The following FCHSD2 variants were observed in gnomAD, a reference collection of about 807,000 sequenced individuals.
FCHSD2 encodes F-BAR and double SH3 domains protein 2.
A neutral mutation model predicts 108.1 loss-of-function variants in FCHSD2; 38 were observed. The ratio of observed to expected loss-of-function variants is 0.35; its 90% CI spans 0.27 to 0.46. FCHSD2 has a LOEUF of 0.46. Among genes scored for constraint, FCHSD2 ranks in the 20% least tolerant of loss-of-function variants. FCHSD2 has a pLI of 1.00. For synonymous variants in FCHSD2, 279 were observed against 314.7 expected (o/e 0.89, Z 1.20); for missense variants, 751 against 897.8 (o/e 0.84, Z 2.09).
chr11:72,848,572 G>C (rs1041660184), intron 14 of FCHSD2, among the ~76,000 whole-genome samples: 7 of 152,132 alleles, frequency 4.6e-5, no homozygotes, highest in Non-Finnish European at 7.4e-5. Context: ...TTCCTAGAGG[G>C]GAGAGATGTC....
At chr11:73,073,949 C>A (rs1290626701) in intron 3 of FCHSD2, among the ~76,000 whole-genome samples, 1 of 151,818 alleles carries the variant, frequency 6.6e-6, no homozygotes, top group East Asian at 1.9e-4. Context: ...AAATATCAGG[C>A]AGCATATGGG....
At chr11:73,128,476 C>T (rs759418509) in intron 2 of FCHSD2, among the ~76,000 whole-genome samples, 3 of 151,818 alleles carry the variant, frequency 2.0e-5, no homozygotes, top group African/African-American at 7.3e-5. Flanking sequence ...AAGCATATGA[C>T]GCAAACACAG....
At chr11:73,062,257 T>A (rs760741234) in intron 3 of FCHSD2, among the ~76,000 whole-genome samples, 1 of 152,038 alleles carries the variant, frequency 6.6e-6, no homozygotes, top group Non-Finnish European at 1.5e-5. Context: ...AGGAATAGCA[T>A]GTGCACTCAA....
At chr11:72,951,923 T>G (rs1856627731) in intron 8 of FCHSD2, among the ~76,000 whole-genome samples, 1 of 152,218 alleles carries the variant, frequency 6.6e-6, no homozygotes, top group South Asian at 2.1e-4. Flanking sequence ...TTGACAAGAA[T>G]ACTGTAACAG....
intron 9 of FCHSD2, among the ~76,000 whole-genome samples, chr11:72,919,939 G>T (rs1201718784): frequency 6.6e-6 from 1 of 151,660 alleles, no homozygotes; most frequent in Non-Finnish European, 1.5e-5. Flanking sequence ...TTAATAAGGA[G>T]AAAAAAATAG....
chr11:73,070,313 A>G (rs563249980), intron 3 of FCHSD2, among the ~76,000 whole-genome samples: 1 of 152,226 alleles, frequency 6.6e-6, no homozygotes, highest in South Asian at 2.1e-4. Flanking sequence ...TGTTTTACTG[A>G]TAACATTCCA....
intron 3 of FCHSD2, among the ~76,000 whole-genome samples, chr11:73,017,609 G>T (rs1858002379): frequency 6.6e-6 from 1 of 152,116 alleles, no homozygotes; most frequent in Non-Finnish European, 1.5e-5. Context: ...AACTTGTATA[G>T]AACTACATAT....
chr11:73,108,630 G>A (rs1305436705), intron 2 of FCHSD2, among the ~76,000 whole-genome samples: 3 of 152,142 alleles, frequency 2.0e-5, no homozygotes, highest in Non-Finnish European at 2.9e-5. Flanking sequence ...CTGCAGTGGC[G>A]CAATCTCGGC....
rs764574146 is a variant in FCHSD2, at chr11:73,001,050, T to C, written c.327A>G (p.Lys109=). ...TCCTTGCAGGCTCAGAAATGAAGTT[T>C]TTATAGTTTTCACATATATTCATCC... ...QSRMNICENY[K]NFISEPARTV... is the part of the protein sequence containing the mutation. The change falls in exon 5 of 20, where the codon AAA becomes AAG. Residue 109 remains lysine (K), a synonymous_variant. Coordinates refer to ENST00000409418, the MANE Select transcript of FCHSD2 (RefSeq NM_014824.3). The C allele has an allele frequency of 2.5e-6, 4 of 1,613,038 alleles. No homozygotes were observed. The highest frequency in any genetic ancestry group is 3.4e-6 in the Non-Finnish European group (4 of 1,179,482).
intron 9 of FCHSD2, among the ~76,000 whole-genome samples, chr11:72,903,437 T>C (rs1855568560): frequency 6.6e-6 from 1 of 152,150 alleles, no homozygotes; most frequent in Non-Finnish European, 1.5e-5. Context: ...GCCAGGATGG[T>C]CTCGATCTCC....
intron 2 of FCHSD2, among the ~76,000 whole-genome samples, chr11:73,101,571 G>C (rs945197203): frequency 6.6e-6 from 1 of 151,934 alleles, no homozygotes; most frequent in African/African-American, 2.4e-5. Context: ...CCGAGTAGCT[G>C]GGGCTACAGA....
intron 2 of FCHSD2, among the ~76,000 whole-genome samples, chr11:73,138,615 T>G (rs1861177343): frequency 6.6e-6 from 1 of 150,626 alleles, no homozygotes; most frequent in Non-Finnish European, 1.5e-5. Flanking sequence ...TTTTTTTTTT[T>G]TTTTTTTTTT....
chr11:72,997,759 G>A (rs1156823386), intron 5 of FCHSD2, among the ~76,000 whole-genome samples: 3 of 152,182 alleles, frequency 2.0e-5, no homozygotes, highest in Admixed American at 1.3e-4. Context: ...GGAGTGCAGT[G>A]GCACGATCTC....
At chr11:72,869,732 G>A (rs964446503) in intron 12 of FCHSD2, 1 of 152,110 alleles carries the variant, frequency 6.6e-6, no homozygotes, top group African/African-American at 2.4e-5. Flanking sequence ...GAGTGATAAA[G>A]TCTGTTTCCT....
intron 4 of FCHSD2, among the ~76,000 whole-genome samples, chr11:73,002,109 C>T (rs1204894856): frequency 6.6e-6 from 1 of 152,132 alleles, no homozygotes; most frequent in Non-Finnish European, 1.5e-5. Flanking sequence ...TCAACCACAG[C>T]AACATGTGGG....
chr11:72,937,382 T>C (rs1374515890), intron 8 of FCHSD2, among the ~76,000 whole-genome samples: 1 of 152,234 alleles, frequency 6.6e-6, no homozygotes, highest in Non-Finnish European at 1.5e-5. Context: ...CATCAAAGTA[T>C]TGAACTGACA....
At chr11:73,112,403 T>C (rs997409005) in intron 2 of FCHSD2, among the ~76,000 whole-genome samples, 1 of 152,250 alleles carries the variant, frequency 6.6e-6, no homozygotes, top group African/African-American at 2.4e-5. Flanking sequence ...TTTCTCTTGC[T>C]GCTTTTAGGA....
chr11:72,855,044 C>G (rs1318096609), intron 13 of FCHSD2, among the ~76,000 whole-genome samples: 2 of 152,170 alleles, frequency 1.3e-5, no homozygotes, highest in Admixed American at 1.3e-4. Flanking sequence ...GAGGCCGAGG[C>G]AGGCAGTTCA....
chr11:73,062,732 T>C (rs1414473385), intron 3 of FCHSD2, among the ~76,000 whole-genome samples: 2 of 151,808 alleles, frequency 1.3e-5, no homozygotes, highest in South Asian at 2.1e-4. Context: ...GAAGACAAGA[T>C]TACAGAAAAA....
Sources: allele counts gnomAD v4.1 joint callset (sites outside exome capture counted in the v4.1 genomes callset), GRCh38; gene constraint gnomAD v4.1.1; transcripts MANE v1.5; gene names NCBI Gene and HGNC (gene_info 2026-07-23, HGNC 2026-07-21).